The following NPEPPS variants were observed in gnomAD, a reference collection of about 807,000 sequenced individuals.
The protein encoded by NPEPPS is puromycin-sensitive aminopeptidase.
NPEPPS carries 14 observed loss-of-function variants against 115.5 expected under a neutral mutation model. The ratio of observed to expected loss-of-function variants is 0.12; its 90% confidence interval spans 0.08 to 0.19. NPEPPS has a LOEUF of 0.19. Among genes scored for constraint, NPEPPS ranks in the 10% least tolerant of loss-of-function variants. NPEPPS has a pLI of 1.00. For synonymous variants in NPEPPS, 285 were observed against 390.6 expected, an observed-to-expected ratio of 0.73 and a Z score of 3.19; for missense variants, 523 against 1,110.8, an observed-to-expected ratio of 0.47 and a Z score of 7.52.
intron 1 of NPEPPS, among the ~76,000 whole-genome samples, chr17:47,535,423 T>C (rs953996714): frequency 2.2e-5 from 3 of 136,330 alleles, no homozygotes; most frequent in Non-Finnish European, 1.6e-5. Context: ...TGGTGGCGGG[T>C]GCCTGTAGTC....
At chr17:47,560,681 T>C (rs1455364135) in intron 2 of NPEPPS, among the ~76,000 whole-genome samples, 1 of 152,188 alleles carries the variant, frequency 6.6e-6, no homozygotes, top group Non-Finnish European at 1.5e-5. Context: ...TATTTTCAGC[T>C]TTGTGGAGAA....
At position 47,536,388 on chromosome 17, in the gene NPEPPS, CTTTT is replaced by C. The variant is rs749380530; in HGVS notation, c.255+4851_255+4854del. On this transcript the variant is annotated intron_variant, in intron 1 of 22. Coordinates refer to ENST00000322157, the MANE Select transcript of NPEPPS (RefSeq NM_006310.4). Reference sequence around the variant, plus strand: ...TGCCCAAATTCTGCATATTTTCTCTCTTTTTTTTTTTTTTTTTTTTTGAGATGGA... The same window carrying C: ...TGCCCAAATTCTGCATATTTTCTCTCTTTTTTTTTTTTTTTTTGAGATGGA... Among the ~76,000 whole-genome samples the C allele has an allele frequency of 2.8e-3, 193 of 69,940 alleles. 1 individual carries two copies. The highest frequency in any genetic ancestry group is 8.9e-3 in the African/African-American group (185 of 20,892). The allele number at this position is 69,940 out of a possible 152,430, so 45.9% of individuals were successfully genotyped here.
chr17:47,564,225 A>G (rs1343735614), intron 2 of NPEPPS, among the ~76,000 whole-genome samples: 2 of 152,168 alleles, frequency 1.3e-5, no homozygotes, highest in Non-Finnish European at 2.9e-5. Context: ...CCTGGCCCTC[A>G]ATCTTTAATT....
At chr17:47,620,536 C>T (rs1333657192) in intron 22 of NPEPPS, among the ~76,000 whole-genome samples, 1 of 152,154 alleles carries the variant, frequency 6.6e-6, no homozygotes, top group Non-Finnish European at 1.5e-5. Context: ...GGAAGAAAAA[C>T]AAGCCAGGAT....
intron 8 of NPEPPS, 70 bp from the exon 9 acceptor site, chr17:47,587,160 A>C: frequency 6.8e-7 from 1 of 1,463,278 alleles, no homozygotes. Flanking sequence ...TTACTGTCTG[A>C]ATCTTCCCAA....
In NPEPPS at chr17:47,610,629, G is replaced by A. The variant is rs148632065; in HGVS notation, c.2096-1831G>A. ...GAGCTGTTGACCTCGTGATCTGCCT[G>A]CCTCAGCCTCCCAAAGTGCTGGGAT... On this transcript the variant is annotated intron_variant, in intron 17 of 22. Coordinates refer to ENST00000322157, the MANE Select transcript of NPEPPS (RefSeq NM_006310.4). Among the ~76,000 whole-genome samples the A allele has an allele frequency of 7.0e-4, 107 of 151,916 alleles. No individual in the cohort carries two copies. In the East Asian group the frequency reaches 0.017, roughly 24 times the overall value.
intron 22 of NPEPPS, among the ~76,000 whole-genome samples, chr17:47,620,702 T>C (rs1914513500): frequency 2.0e-5 from 3 of 152,236 alleles, no homozygotes; most frequent in Admixed American, 2.0e-4. Context: ...AAGGTCTATG[T>C]TTAATCAGAT....
chr17:47,577,793 A>T (rs1597856038), intron 3 of NPEPPS, among the ~76,000 whole-genome samples: 1 of 152,284 alleles, frequency 6.6e-6, no homozygotes, highest in East Asian at 1.9e-4. Context: ...CAGGCTAGAG[A>T]CAGTTTGTAG....
intron 1 of NPEPPS, among the ~76,000 whole-genome samples, chr17:47,536,347 T>A (rs1908255915): frequency 6.6e-6 from 1 of 152,000 alleles, no homozygotes; most frequent in Non-Finnish European, 1.5e-5. Flanking sequence ...TTGTCAATTC[T>A]GTGTTACAAA....
chr17:47,603,198 G>C (rs556225954), intron 15 of NPEPPS, among the ~76,000 whole-genome samples: 1 of 152,234 alleles, frequency 6.6e-6, no homozygotes, highest in South Asian at 2.1e-4. Flanking sequence ...GATCACCTGA[G>C]GTCAGGAGTT....
rs192152653 is a variant in NPEPPS at position 47,546,613 on chromosome 17, A to C, written c.340+620A>C. On this transcript the variant is annotated intron_variant, in intron 2 of 22. Transcript: ENST00000322157. Reference sequence around the variant, plus strand: ...GAGTGCAGTGGCGTGATCTCAGCTCACTGCTATCTCTGCCTCGTGGGTTCA... The same window carrying C: ...GAGTGCAGTGGCGTGATCTCAGCTCCCTGCTATCTCTGCCTCGTGGGTTCA... Among the ~76,000 whole-genome samples the C allele has an allele frequency of 7.9e-3, 1,194 of 152,092 alleles. 8 individuals are homozygous for C. The highest frequency in any genetic ancestry group is 0.024 in the African/African-American group (1,001 of 41,460).
chr17:47,605,572 GA>G lies in NPEPPS; in HGVS notation c.2095+21del. 6.9e-7 allele frequency: 1 copy of G among 1,457,950 alleles called. No individual in the cohort carries two copies. Among genetic ancestry groups the G allele is most frequent in the Non-Finnish European group, 9.4e-7 (1 of 1,058,524 alleles). 90.3% of individuals were successfully genotyped at this position (1,457,950 alleles called of 1,614,324 possible). ...GAGAAGGTAATGGATATACTAAATG[GA>G]GAAAGAATTACGCAGAAGTTGGTAC... On this transcript the variant is annotated intron_variant, in intron 17 of 22. Coordinates refer to ENST00000322157, the MANE Select transcript of NPEPPS (RefSeq NM_006310.4).
rs1910629702 is a variant in NPEPPS, at chr17:47,564,024, C to T, written c.341-5393C>T. Among the ~76,000 whole-genome samples, 3 of 152,064 alleles carry T rather than the reference C, an allele frequency of 2.0e-5. No individual in the cohort carries two copies. The South Asian group carries it at 6.2e-4, about 32-fold the overall frequency. ...CTCAGCTCACTGCAGCCTCTACCTCCCAGGTTCAAGCGATTCTCCTGCCTC... is the reference window on the plus strand; with the variant it reads ...CTCAGCTCACTGCAGCCTCTACCTCTCAGGTTCAAGCGATTCTCCTGCCTC... On this transcript the variant is annotated intron_variant, in intron 2 of 22. Transcript: ENST00000322157.
At chr17:47,530,703 T>C (rs1364616200), upstream of NPEPPS, among the ~76,000 whole-genome samples, 1 of 152,180 alleles carries the variant, frequency 6.6e-6, no homozygotes, top group Non-Finnish European at 1.5e-5. Flanking sequence ...TTGAATTTGC[T>C]ACTTAACAGG....
intron 13 of NPEPPS, among the ~76,000 whole-genome samples, chr17:47,596,772 G>A (rs1309972560): frequency 4.6e-5 from 7 of 152,196 alleles, no homozygotes; most frequent in Admixed American, 2.0e-4. Flanking sequence ...ATTAGGCCGG[G>A]CGTGGTGGCT....
At chr17:47,552,500 G>T (rs1455327636) in intron 2 of NPEPPS, among the ~76,000 whole-genome samples, 1 of 152,138 alleles carries the variant, frequency 6.6e-6, no homozygotes, top group East Asian at 1.9e-4. Context: ...TTTTACATTT[G>T]TTGGTTTTGA....
intron 13 of NPEPPS, among the ~76,000 whole-genome samples, chr17:47,598,103 C>CT (rs1298568286): frequency 6.6e-6 from 1 of 152,200 alleles, no homozygotes; most frequent in Non-Finnish European, 1.5e-5. Flanking sequence ...TGCATATAGA[C>CT]TGACTCTTTT....
At chr17:47,590,960 T>A (rs1461321366) in intron 10 of NPEPPS, 79 bp downstream of exon 10, 1 of 1,488,142 alleles carries the variant, frequency 6.7e-7, no homozygotes, top group East Asian at 2.3e-5. Context: ...ATAGATACTT[T>A]GGACTTTGAA....
chr17:47,544,495 A>G (rs1909039639), intron 1 of NPEPPS, among the ~76,000 whole-genome samples: 1 of 145,790 alleles, frequency 6.9e-6, no homozygotes, highest in Non-Finnish European at 1.5e-5. Flanking sequence ...TTTTTATGAA[A>G]TTAAACGTAT....
Sources: allele counts gnomAD v4.1 joint callset (sites outside exome capture counted in the v4.1 genomes callset), GRCh38; gene constraint gnomAD v4.1.1; transcripts MANE v1.5; gene names NCBI Gene and HGNC (gene_info 2026-07-23, HGNC 2026-07-21).